Variants in TTC6 observed in about 807,000 individuals in gnomAD.
TTC6 encodes the protein tetratricopeptide repeat protein 6.
Under a neutral mutation model 210.4 loss-of-function variants are expected in TTC6, and 172 were observed. The ratio of observed to expected loss-of-function variants is 0.82; its 90% CI spans 0.72 to 0.93. The LOEUF (loss-of-function observed/expected upper bound fraction) is 0.93, where lower values mean the gene tolerates loss of function less well. TTC6 is among the 40% of genes least tolerant of loss of function. The pLI, the probability that TTC6 is intolerant of heterozygous loss-of-function variation, is 0.00. For missense variants in TTC6, 2,414 were observed against 2,318.1 expected (o/e 1.04, Z -0.85); for synonymous variants, 804 against 819.6 (o/e 0.98, Z 0.32).
chr14:37,648,436 A>G (rs931290987), intron 1 of TTC6, among the ~76,000 whole-genome samples: 1 of 152,176 alleles, frequency 6.6e-6, no homozygotes, highest in African/African-American at 2.4e-5. Context: ...TCTAGGTTAC[A>G]GTATGTTTCT....
At chr14:37,758,003 T>G (rs1265272249) in intron 14 of TTC6, among the ~76,000 whole-genome samples, 1 of 152,240 alleles carries the variant, frequency 6.6e-6, no homozygotes, top group African/African-American at 2.4e-5. Context: ...ACTGAGTTTC[T>G]TAATCCTGAG....
chr14:37,682,440 GT>G (rs759807563), intron 2 of TTC6, among the ~76,000 whole-genome samples: 40,533 of 151,658 alleles, frequency 0.27, 5,427 homozygotes, highest in South Asian at 0.36. Context: ...AAATTTCTTG[GT>G]CTAGCTATAC....
At chr14:37,749,953 C>A in intron 12 of TTC6, 110 bp downstream of exon 14, 2 of 765,412 alleles carry the variant, frequency 2.6e-6, no homozygotes, top group Non-Finnish European at 3.5e-6. Context: ...CTGAAAATGA[C>A]TTTCCTCAGT....
At chr14:37,689,373 T>C (rs925235464) in intron 3 of TTC6, among the ~76,000 whole-genome samples, 2 of 152,112 alleles carry the variant, frequency 1.3e-5, no homozygotes, top group African/African-American at 4.8e-5. Flanking sequence ...AAAGAGGATG[T>C]AGAGAAAGAC....
chr14:37,691,166 C>A (rs2095802893), intron 3 of TTC6, among the ~76,000 whole-genome samples: 1 of 152,036 alleles, frequency 6.6e-6, no homozygotes. Flanking sequence ...CCCACCTGCA[C>A]TAAAAATACA....
chr14:37,704,321 A>T (rs914954573), intron 5 of TTC6, among the ~76,000 whole-genome samples: 2 of 152,082 alleles, frequency 1.3e-5, no homozygotes, highest in African/African-American at 4.8e-5. Context: ...TCCTAAAATA[A>T]TAGGATTACA....
chr14:37,817,771 A>G (rs1172249086), intron 26 of TTC6, 120 bp downstream of exon 28: 1 of 994,874 alleles, frequency 1.0e-6, no homozygotes, highest in South Asian at 1.5e-5. Context: ...TGAATGTTAT[A>G]GAGTACAAAA....
At chr14:37,624,848 C>T in intron 1 of TTC6, among the ~76,000 whole-genome samples, 1 of 152,158 alleles carries the variant, frequency 6.6e-6, no homozygotes, top group Non-Finnish European at 1.5e-5. Flanking sequence ...GTCTCGATCT[C>T]CTGACCTCGT....
chr14:37,826,252 C>G (rs769741190), exon 28 of TTC6: 1 of 1,612,204 alleles, frequency 6.2e-7, no homozygotes. Flanking sequence ...AGATACTGAT[C>G]CAAAGAACTA....
At position 37,724,932 on chromosome 14, in the gene TTC6, G is replaced by A; in HGVS notation, c.1748G>A (p.Trp583Ter). 2 of 1,526,916 alleles carry A rather than the reference G, an allele frequency of 1.3e-6. No homozygotes were observed. Among genetic ancestry groups the A allele is most frequent in the Non-Finnish European group, 8.8e-7 (1 of 1,141,116 alleles). The allele number at this position is 1,526,916 out of a possible 1,614,324, so 94.6% of individuals were successfully genotyped here. A position where few individuals can be genotyped will look rare whatever the true frequency, so the allele number is the denominator to read the frequency against. Reference sequence around the variant, plus strand: ...TATCCAGAATTCACGAAGTTGTTTTGGAATACAGCTGCACCTAAATTCTCT... The same window carrying A: ...TATCCAGAATTCACGAAGTTGTTTTAGAATACAGCTGCACCTAAATTCTCT... The change falls in exon 7 of 31, where the codon TGG becomes TAG. Residue 583 changes from tryptophan (W) to a stop codon, truncating the protein, a stop_gained. Transcript: ENST00000553443. LOFTEE classifies it high-confidence loss of function.
intron 1 of TTC6, among the ~76,000 whole-genome samples, chr14:37,636,428 T>G (rs1407897012): frequency 6.6e-6 from 1 of 152,184 alleles, no homozygotes; most frequent in Non-Finnish European, 1.5e-5. Context: ...CTGTATTCTC[T>G]GACCCTATGG....
intron 3 of TTC6, among the ~76,000 whole-genome samples, chr14:37,688,474 G>A (rs890023686): frequency 3.3e-5 from 5 of 152,042 alleles, no homozygotes; most frequent in African/African-American, 1.2e-4. Flanking sequence ...GTTATAGCAG[G>A]CCTTGAGCGA....
At chr14:37,604,247 T>C (rs1454240886) in intron 1 of TTC6, among the ~76,000 whole-genome samples, 1 of 152,190 alleles carries the variant, frequency 6.6e-6, no homozygotes, top group African/African-American at 2.4e-5. Context: ...CTAATTTCCT[T>C]GACTGGTGGA....
intron 1 of TTC6, among the ~76,000 whole-genome samples, chr14:37,600,450 T>G (rs1442443762): frequency 6.6e-6 from 1 of 151,978 alleles, no homozygotes; most frequent in East Asian, 1.9e-4. Flanking sequence ...GTGTTTAGCT[T>G]CTCCGTCCCA....
At chr14:37,752,656 G>A (rs1451755229) in intron 13 of TTC6, among the ~76,000 whole-genome samples, 1 of 151,892 alleles carries the variant, frequency 6.6e-6, no homozygotes, top group Non-Finnish European at 1.5e-5. Context: ...AAATGAATGA[G>A]CCATGCCAAT....
chr14:37,631,017 A>G (rs1208503059), intron 1 of TTC6, among the ~76,000 whole-genome samples: 1 of 140,300 alleles, frequency 7.1e-6, no homozygotes, highest in East Asian at 2.3e-4. Context: ...TGCTCATGAG[A>G]TGGGTTTTCT....
In TTC6 at chr14:37,606,749, T is replaced by C; in HGVS notation, c.-155+7T>C. 1 of 985,286 alleles carries C rather than the reference T, an allele frequency of 1.0e-6. No homozygotes were observed. The highest frequency in any genetic ancestry group is 4.7e-5 in the South Asian group (1 of 21,282). 61.0% of individuals were successfully genotyped at this position (985,286 alleles called of 1,614,324 possible). ...AAGGATTCATGGAAGTGAGGTATGA[T>C]GTCTTCAGTTCTTTCCAGTTCATCC... On this transcript the variant is annotated splice_region_variant and intron_variant, in intron 2 of 2. Coordinates refer to the TTC6 transcript ENST00000556845.
intron 4 of TTC6, among the ~76,000 whole-genome samples, chr14:37,698,514 G>A (rs2095818981): frequency 6.6e-6 from 1 of 151,986 alleles, no homozygotes; most frequent in Non-Finnish European, 1.5e-5. Context: ...TATTTTAAAA[G>A]CCCTTTGTTA....
chr14:37,789,596 T>TTATATATATATATATATATATATATA (rs1283814571), intron 15 of TTC6, among the ~76,000 whole-genome samples: 5 of 134,490 alleles, frequency 3.7e-5, no homozygotes, highest in African/African-American at 8.4e-5. Flanking sequence ...TGGTTTCCTC[T>TTATATATATATATATATATATATATA]TATATATATA....
Sources: gnomAD v4.1 joint callset for allele counts (sites outside exome capture counted in the v4.1 genomes callset) on GRCh38, gnomAD v4.1.1 for gene constraint, MANE v1.5 for transcripts, NCBI Gene and HGNC (gene_info 2026-07-23, HGNC 2026-07-21) for gene names.